The following LRRK2 variants were observed in gnomAD, a reference collection of about 807,000 sequenced individuals.
The protein encoded by LRRK2 is leucine rich repeat kinase 2, also known as leucine-rich repeat serine/threonine-protein kinase 2.
Under a neutral mutation model 302.6 loss-of-function variants are expected in LRRK2, and 203 were observed. The observed-to-expected ratio is 0.67, with a 90% CI of 0.60 to 0.75. The LOEUF (loss-of-function observed/expected upper bound fraction) is 0.75. Ranked by LOEUF, LRRK2 falls within the 30% of genes least tolerant of loss-of-function variation. The pLI, the probability that LRRK2 is intolerant of heterozygous loss-of-function variation, is 0.00. For missense variants in LRRK2, 2,830 were observed against 2,951.0 expected (o/e 0.96, Z 0.95); for synonymous variants, 1,066 against 1,031.9 (o/e 1.03, Z -0.63).
intron 44 of LRRK2, among the ~76,000 whole-genome samples, chr12:40,353,948 C>T (rs893739446): frequency 3.9e-5 from 6 of 152,156 alleles, no homozygotes; most frequent in East Asian, 3.9e-4. Flanking sequence ...AGCCCAGCTT[C>T]GGCTCGGCAT....
intron 6 of LRRK2, among the ~76,000 whole-genome samples, chr12:40,243,261 A>G (rs1252437962): frequency 1.3e-5 from 2 of 151,676 alleles, no homozygotes; most frequent in Non-Finnish European, 2.9e-5. Context: ...TTTCATTTTC[A>G]GTACTAAAAG....
chr12:40,308,609 A>G lies in LRRK2; in HGVS notation c.4102A>G (p.Thr1368Ala). 2.5e-6 allele frequency: 4 copies of G among 1,614,048 alleles called. No individual in the cohort carries two copies. The highest frequency in any genetic ancestry group is 3.4e-6 in the Non-Finnish European group (4 of 1,179,954). Residue 1368 changes from threonine to alanine, a missense_variant, in exon 29 of 51, where the codon ACA becomes GCA. Around this residue, in one of 3 missense-constraint regions of LRRK2, gnomAD observed 2,121 missense variants for 2,148.0 expected, o/e 0.99. Transcript: ENST00000298910. ...KKSDLGMQSATVGIDVKDWPI... is the reference protein window; with the variant it reads ...KKSDLGMQSAAVGIDVKDWPI... ...ATCAGATCTTGGAATGCAAAGTGCC[A>G]CAGTTGGCATAGATGTGAAAGACTG... is the stretch of plus-strand genomic sequence containing the variant.
Position 40,309,125 on chromosome 12 carries a change from T to C in LRRK2, c.4209T>C (p.Ser1403=). The C allele has an allele frequency of 1.9e-6, 3 of 1,613,908 alleles. No homozygotes were observed. The highest frequency in any genetic ancestry group is 2.5e-6 in the Non-Finnish European group (3 of 1,179,860). ...WDFAGREEFY[S]THPHFMTQRA... ...ATTTAGGTCGTGAGGAATTCTATAG[T>C]ACTCATCCCCATTTTATGACGCAGC... Residue 1403 remains serine, a synonymous_variant, in exon 30 of 51, where the codon AGT becomes AGC. Coordinates refer to ENST00000298910, the MANE Select transcript of LRRK2 (RefSeq NM_198578.4).
intron 31 of LRRK2, among the ~76,000 whole-genome samples, chr12:40,313,218 G>A (rs1592274085): frequency 1.3e-5 from 2 of 152,078 alleles, no homozygotes; most frequent in Non-Finnish European, 2.9e-5. Flanking sequence ...ATTATTAAGA[G>A]TTGCATTTCT....
At chr12:40,322,639 C>T in intron 37 of LRRK2, 129 bp downstream of exon 37, 1 of 786,430 alleles carries the variant, frequency 1.3e-6, no homozygotes, top group Non-Finnish European at 2.1e-6. Flanking sequence ...ATTATAGGGA[C>T]AGTTCAGAAA....
chr12:40,329,906 G>A (rs552209826), intron 39 of LRRK2, among the ~76,000 whole-genome samples: 11 of 152,150 alleles, frequency 7.2e-5, no homozygotes, highest in Non-Finnish European at 1.0e-4. Flanking sequence ...TTTAAAAAAC[G>A]TACTTCAGGA....
At chr12:40,265,740 GA>G (rs1942981934) in intron 14 of LRRK2, among the ~76,000 whole-genome samples, 2 of 152,118 alleles carry the variant, frequency 1.3e-5, no homozygotes, top group Non-Finnish European at 2.9e-5. Flanking sequence ...CACGCTACCT[GA>G]CTTCAAACTA....
chr12:40,297,439 A>G (rs1944425741), intron 23 of LRRK2, among the ~76,000 whole-genome samples: 1 of 152,194 alleles, frequency 6.6e-6, no homozygotes, highest in Non-Finnish European at 1.5e-5. Context: ...TTTCCTGATT[A>G]AACCTTGGGA....
intron 40 of LRRK2, among the ~76,000 whole-genome samples, chr12:40,338,423 A>G (rs1592309085): frequency 2.0e-5 from 3 of 152,374 alleles, no homozygotes; most frequent in Admixed American, 2.0e-4. Context: ...GAAGTCTCTT[A>G]GCAACTCTTA....
chr12:40,270,130 G>A (rs534659453), intron 14 of LRRK2, among the ~76,000 whole-genome samples: 1 of 152,154 alleles, frequency 6.6e-6, no homozygotes, highest in East Asian at 1.9e-4. Context: ...ATAATGCTTG[G>A]CACATAGTAT....
chr12:40,295,663 T>A lies in LRRK2; in HGVS notation c.3096+19T>A. On this transcript the variant is annotated intron_variant, in intron 23 of 50. Coordinates refer to ENST00000298910, the MANE Select transcript of LRRK2 (RefSeq NM_198578.4). ...ATGTGAAGTAAATTTAATTTATCCT[T>A]GTAACTTTCAAGACATTTGAAGAGC... 3 of 1,606,174 alleles carry A rather than the reference T, an allele frequency of 1.9e-6. No individual in the cohort carries two copies. The highest frequency in any genetic ancestry group is 2.6e-6 in the Non-Finnish European group (3 of 1,173,764).
intron 25 of LRRK2, among the ~76,000 whole-genome samples, chr12:40,301,676 T>G (rs150710456): frequency 4.9e-4 from 75 of 152,326 alleles, no homozygotes; most frequent in East Asian, 3.7e-3. Flanking sequence ...CCCATATTTT[T>G]AACCTTGAAA....
At chr12:40,259,432 T>C in intron 12 of LRRK2, 48 bp from the exon 13 acceptor site, 1 of 1,611,148 alleles carries the variant, frequency 6.2e-7, no homozygotes, top group Non-Finnish European at 8.5e-7. Context: ...GTTTATACCA[T>C]TGAATCAGAT....
chr12:40,346,250 G>A (rs1231065941), intron 41 of LRRK2, among the ~76,000 whole-genome samples: 1 of 151,924 alleles, frequency 6.6e-6, no homozygotes, highest in Non-Finnish European at 1.5e-5. Flanking sequence ...AGAAGGAGCA[G>A]AGAGACAAGT....
At chr12:40,230,668 CTT>C (rs3057613) in intron 2 of LRRK2, among the ~76,000 whole-genome samples, 52 of 135,266 alleles carry the variant, frequency 3.8e-4, no homozygotes, top group Admixed American at 5.2e-4. Context: ...TGCACTTTCT[CTT>C]TTTTTTTTTT....
Position 40,335,010 on chromosome 12 carries a change from C to T in LRRK2, c.5801C>T (p.Ser1934Phe). The T allele has an allele frequency of 6.2e-7, 1 of 1,614,104 alleles. No homozygotes were observed. The highest frequency in any genetic ancestry group is 8.5e-7 in the Non-Finnish European group (1 of 1,179,994). ...CACCTCCACCACCCCAGTTTGATATCTTTGCTGGCAGCTGGGATTCGTCCC... is the reference window on the plus strand; with the variant it reads ...CACCTCCACCACCCCAGTTTGATATTTTTGCTGGCAGCTGGGATTCGTCCC... ...LCHLHHPSLI[S>F]LLAAGIRPRM... The change falls in exon 40 of 51, where the codon TCT becomes TTT. Residue 1934 changes from serine to phenylalanine, a missense_variant. Ser to Phe is a radical substitution (Grantham distance 155). This residue lies in a region of LRRK2 where 253 missense variants were observed against 346.7 expected (regional missense o/e 0.73). Coordinates refer to ENST00000298910, the MANE Select transcript of LRRK2 (RefSeq NM_198578.4).
intron 14 of LRRK2, among the ~76,000 whole-genome samples, chr12:40,273,741 A>G (rs1943330561): frequency 6.6e-6 from 1 of 152,196 alleles, no homozygotes; most frequent in Non-Finnish European, 1.5e-5. Context: ...AAGAAAAGCT[A>G]TGAGTTAAGC....
intron 14 of LRRK2, 59 bp from the exon 15 acceptor site, chr12:40,274,524 C>T: frequency 6.3e-7 from 1 of 1,575,896 alleles, no homozygotes; most frequent in South Asian, 1.1e-5. Context: ...TATAACTGGT[C>T]TTAACTAAGG....
chr12:40,264,009 A>T (rs1318260584), intron 14 of LRRK2, 108 bp downstream of exon 14: 9 of 774,120 alleles, frequency 1.2e-5, no homozygotes, highest in African/African-American at 5.2e-5. Flanking sequence ...GTTTGCTATG[A>T]TAGGAGGAAG....
Sources: gnomAD v4.1 joint callset for allele counts (sites outside exome capture counted in the v4.1 genomes callset) on GRCh38, gnomAD v4.1.1 for gene constraint, gnomAD v4.1.1 regional missense constraint, MANE v1.5 for transcripts, NCBI Gene and HGNC (gene_info 2026-07-23, HGNC 2026-07-21) for gene names.